Variants in METAP1 observed in about 807,000 individuals in gnomAD.
The protein encoded by METAP1 is methionine aminopeptidase 1.
A neutral mutation model predicts 53.8 loss-of-function variants in METAP1; 28 were observed. The observed-to-expected ratio is 0.52, with a 90% CI of 0.39 to 0.71. The LOEUF is 0.71. METAP1 is among the 30% of genes least tolerant of loss of function. The pLI is 0.00. For missense variants in METAP1, 389 were observed against 479.8 expected (o/e 0.81, Z 1.77); for synonymous variants, 181 against 165.7 (o/e 1.09, Z -0.71).
Position 99,027,843 on chromosome 4 carries a change from G to A in METAP1, c.115-1024G>A, listed in dbSNP as rs146957282. On this transcript the variant is annotated intron_variant, in intron 1 of 10. Transcript: ENST00000296411. ...AGGCTACAGAAAGAGTAAAGAGAAA[G>A]TAGTGAAGATTCTAGCTGAGGTTGG... is the stretch of plus-strand genomic sequence containing the variant. Among the ~76,000 whole-genome samples, 3 of 152,340 alleles carry A rather than the reference G, an allele frequency of 2.0e-5. No individual in the cohort carries two copies. The East Asian group carries it at 5.8e-4, about 29-fold the overall frequency.
At chr4:99,018,045 G>A (rs1398988794) in intron 1 of METAP1, among the ~76,000 whole-genome samples, 1 of 152,248 alleles carries the variant, frequency 6.6e-6, no homozygotes, top group Non-Finnish European at 1.5e-5. Flanking sequence ...GTCCTTATAA[G>A]TGGGTCTGGC....
intron 1 of METAP1, among the ~76,000 whole-genome samples, chr4:99,015,312 A>G (rs72908979): frequency 0.018 from 2,776 of 152,296 alleles, 75 homozygotes; most frequent in African/African-American, 0.063. Context: ...AGTTTGATTT[A>G]AAGCCGAGAC....
At chr4:99,006,714 T>C (rs902180634) in intron 1 of METAP1, among the ~76,000 whole-genome samples, 2 of 152,212 alleles carry the variant, frequency 1.3e-5, no homozygotes, top group African/African-American at 4.8e-5. Context: ...TGTTTTGCTT[T>C]TTGATTATAG....
chr4:99,058,348 G>C (rs996260580), intron 10 of METAP1, among the ~76,000 whole-genome samples: 7 of 151,548 alleles, frequency 4.6e-5, no homozygotes, highest in African/African-American at 1.7e-4. Context: ...CTCATGAGCT[G>C]TTCTGACCCT....
chr4:99,059,858 C>T (rs1279571308), intron 10 of METAP1, among the ~76,000 whole-genome samples: 3 of 152,112 alleles, frequency 2.0e-5, no homozygotes, highest in African/African-American at 4.8e-5. Flanking sequence ...TATGCTCTCA[C>T]ACCAGTCTTT....
chr4:99,051,905 T>C (rs1189772353), intron 9 of METAP1, among the ~76,000 whole-genome samples: 2 of 152,312 alleles, frequency 1.3e-5, no homozygotes, highest in East Asian at 1.9e-4. Context: ...ACTCCTTCTA[T>C]GTAGGAGAAA....
chr4:99,009,571 T>C (rs977783174), intron 1 of METAP1, among the ~76,000 whole-genome samples: 1 of 152,216 alleles, frequency 6.6e-6, no homozygotes, highest in Non-Finnish European at 1.5e-5. Context: ...TCCTAATGGG[T>C]ATGAGCTGAT....
At chr4:99,017,655 G>T (rs1470134430) in intron 1 of METAP1, among the ~76,000 whole-genome samples, 1 of 152,226 alleles carries the variant, frequency 6.6e-6, no homozygotes, top group African/African-American at 2.4e-5. Context: ...CTTTCTAATA[G>T]GATAGCCTCA....
intron 4 of METAP1, among the ~76,000 whole-genome samples, chr4:99,038,839 G>A (rs553465083): frequency 1.3e-5 from 2 of 152,004 alleles, no homozygotes; most frequent in African/African-American, 2.4e-5. Flanking sequence ...CGTATAATAC[G>A]AGTATAATAC....
intron 6 of METAP1, 102 bp from the exon 7 acceptor site, chr4:99,043,147 A>G: frequency 1.3e-6 from 1 of 797,106 alleles, no homozygotes; most frequent in Non-Finnish European, 1.9e-6. Flanking sequence ...TCTTCATAGT[A>G]GCATGTGTCC....
intron 1 of METAP1, among the ~76,000 whole-genome samples, chr4:99,002,809 T>G (rs1471357822): frequency 6.6e-6 from 1 of 152,222 alleles, no homozygotes; most frequent in African/African-American, 2.4e-5. Context: ...GCGCCGTGGC[T>G]TATGCCTGTA....
At chr4:99,026,308 TTA>T in intron 1 of METAP1, 1 of 985,196 alleles carries the variant, frequency 1.0e-6, no homozygotes, top group Non-Finnish European at 1.2e-6. Flanking sequence ...TTTGGTGTTA[TTA>T]AATAAGTGGA....
At chr4:99,018,965 TC>T (rs1194951742) in intron 1 of METAP1, among the ~76,000 whole-genome samples, 1 of 152,156 alleles carries the variant, frequency 6.6e-6, no homozygotes, top group Non-Finnish European at 1.5e-5. Context: ...TTTCCTCTCA[TC>T]AACAGTAGTT....
chr4:99,026,164 A>G, intron 1 of METAP1: 1 of 915,462 alleles, frequency 1.1e-6, no homozygotes, highest in Non-Finnish European at 1.3e-6. Flanking sequence ...AAACTTTCTA[A>G]AGTGACTGAG....
At chr4:99,040,609 G>A (rs901995909) in intron 5 of METAP1, among the ~76,000 whole-genome samples, 2 of 149,588 alleles carry the variant, frequency 1.3e-5, no homozygotes, top group African/African-American at 4.9e-5. Context: ...TTCCACCTCA[G>A]CCTCCTGAGT....
At chr4:99,042,002 C>A (rs1176230280) in intron 6 of METAP1, among the ~76,000 whole-genome samples, 5 of 151,910 alleles carry the variant, frequency 3.3e-5, no homozygotes, top group African/African-American at 1.2e-4. Context: ...TCAAGTGCTT[C>A]TTTTACATTA....
intron 1 of METAP1, chr4:99,023,023 C>T: frequency 2.1e-6 from 3 of 1,442,112 alleles, no homozygotes; most frequent in Non-Finnish European, 2.8e-6. Context: ...CTTGCTGCCA[C>T]AGGCTGCTGC....
chr4:99,022,776 T>C (rs1044275477), intron 1 of METAP1: 12 of 1,601,944 alleles, frequency 7.5e-6, no homozygotes, highest in Non-Finnish European at 2.6e-6. Flanking sequence ...GCCGCCACAC[T>C]CTTGGCTATG....
Position 99,023,903 on chromosome 4 carries a change from T to TG in METAP1, c.115-4961dup. 5.9e-6 allele frequency: 3 copies of TG among 510,244 alleles called. 1 individual carries two copies. The highest frequency in any genetic ancestry group is 7.6e-6 in the Non-Finnish European group (3 of 395,462). 31.6% of individuals were successfully genotyped at this position (510,244 alleles called of 1,614,324 possible). The stretch of plus-strand genomic sequence containing the variant: ...ACTTATTCATGCAGAGCCAGCTGTG[T>TG]GGGAGATGGGAGTTTTATTACTCAA... On this transcript the variant is annotated intron_variant, in intron 1 of 10. Transcript: ENST00000296411.
Sources: gnomAD v4.1 joint callset for allele counts (sites outside exome capture counted in the v4.1 genomes callset) on GRCh38, gnomAD v4.1.1 for gene constraint, MANE v1.5 for transcripts, NCBI Gene and HGNC (gene_info 2026-07-23, HGNC 2026-07-21) for gene names.